The following GRID1 variants were observed in gnomAD, a reference collection of about 807,000 sequenced individuals.
GRID1 encodes glutamate receptor ionotropic, delta-1.
A neutral mutation model predicts 98.0 loss-of-function variants in GRID1; 28 were observed. The ratio of observed to expected loss-of-function variants is 0.29; its 90% CI spans 0.21 to 0.39. GRID1 has a LOEUF of 0.39. Among genes scored for constraint, GRID1 ranks in the 10% least tolerant of loss-of-function variants. The probability of loss-of-function intolerance (pLI) is 1.00; values close to 1 mark genes in which losing one functional copy is unlikely to be tolerated. For missense variants in GRID1, 1,111 were observed against 1,340.5 expected (o/e 0.83, Z 2.67); for synonymous variants, 553 against 538.5 (o/e 1.03, Z -0.37).
At chr10:85,924,025 G>C (rs1409810255) in intron 4 of GRID1, among the ~76,000 whole-genome samples, 1 of 152,156 alleles carries the variant, frequency 6.6e-6, no homozygotes, top group Non-Finnish European at 1.5e-5. Flanking sequence ...AGCTCCTGGA[G>C]GCCAAAGCCT....
At chr10:85,642,199 G>C (rs577505092) in intron 13 of GRID1, among the ~76,000 whole-genome samples, 1 of 152,158 alleles carries the variant, frequency 6.6e-6, no homozygotes, top group Non-Finnish European at 1.5e-5. Flanking sequence ...GCCATAAACA[G>C]CATGTAAATA....
chr10:85,632,027 T>G (rs550590162), intron 13 of GRID1, among the ~76,000 whole-genome samples: 110 of 151,900 alleles, frequency 7.2e-4, no homozygotes, highest in African/African-American at 2.4e-3. Context: ...GAATGTAAGC[T>G]TGACCATGCA....
At chr10:85,851,976 G>A (rs944375877) in intron 8 of GRID1, among the ~76,000 whole-genome samples, 2 of 151,402 alleles carry the variant, frequency 1.3e-5, no homozygotes, top group East Asian at 1.9e-4. Flanking sequence ...TCTCCCACCC[G>A]AAACTACCAC....
chr10:85,865,966 G>T (rs1377972007), intron 6 of GRID1, among the ~76,000 whole-genome samples: 845 of 82,352 alleles, frequency 0.01, 32 homozygotes, highest in African/African-American at 0.026. Context: ...GAGAGAGAGA[G>T]AGAGAGAGAG....
chr10:85,911,730 T>C (rs533209231), intron 5 of GRID1, among the ~76,000 whole-genome samples: 6 of 152,316 alleles, frequency 3.9e-5, no homozygotes, highest in Admixed American at 3.9e-4. Flanking sequence ...ACCTTGGTTC[T>C]TCAAGAGGCT....
intron 4 of GRID1, among the ~76,000 whole-genome samples, chr10:86,107,812 T>C (rs1174369284): frequency 6.6e-6 from 1 of 152,054 alleles, no homozygotes; most frequent in Non-Finnish European, 1.5e-5. Flanking sequence ...CAACGCAGAA[T>C]TTGGCCAGGG....
chr10:86,334,318 T>C (rs1386311832), intron 2 of GRID1, among the ~76,000 whole-genome samples: 2 of 152,284 alleles, frequency 1.3e-5, no homozygotes, highest in East Asian at 3.9e-4. Flanking sequence ...CTAGATGAAG[T>C]GAAGCAGTTC....
At chr10:85,767,843 T>C (rs1842212586) in intron 8 of GRID1, among the ~76,000 whole-genome samples, 1 of 152,208 alleles carries the variant, frequency 6.6e-6, no homozygotes, top group South Asian at 2.1e-4. Context: ...CATGAGATGT[T>C]TGTTGAGAGC....
At chr10:85,668,732 G>T (rs536857256) in intron 12 of GRID1, among the ~76,000 whole-genome samples, 1 of 152,304 alleles carries the variant, frequency 6.6e-6, no homozygotes, top group Admixed American at 6.5e-5. Flanking sequence ...TAGAAAACCT[G>T]CCATTGCTTA....
chr10:86,066,080 G>A (rs913619519), intron 4 of GRID1, among the ~76,000 whole-genome samples: 1 of 152,194 alleles, frequency 6.6e-6, no homozygotes, highest in African/African-American at 2.4e-5. Flanking sequence ...AGAACATTCT[G>A]AAAAGACAGA....
At chr10:86,102,656 G>C (rs1324952173) in intron 4 of GRID1, among the ~76,000 whole-genome samples, 1 of 152,232 alleles carries the variant, frequency 6.6e-6, no homozygotes. Flanking sequence ...GGCCCTACCT[G>C]GGAGCAGTGC....
intron 2 of GRID1, among the ~76,000 whole-genome samples, chr10:86,211,836 C>T (rs1230437871): frequency 1.3e-5 from 2 of 152,218 alleles, no homozygotes; most frequent in African/African-American, 4.8e-5. Flanking sequence ...GAGAAAGTGG[C>T]CAGCAGGGGA....
chr10:85,661,704 T>C (rs528796482), intron 12 of GRID1, among the ~76,000 whole-genome samples: 1 of 152,338 alleles, frequency 6.6e-6, no homozygotes, highest in South Asian at 2.1e-4. Context: ...CAGGTCACTA[T>C]GGGCTTTTCT....
chr10:85,788,758 G>A (rs766139682), intron 8 of GRID1, among the ~76,000 whole-genome samples: 4 of 152,222 alleles, frequency 2.6e-5, no homozygotes, highest in Admixed American at 6.5e-5. Flanking sequence ...GTCTGGAGCT[G>A]ACCTCTAGCA....
chr10:86,122,639 A>G (rs753732795), intron 4 of GRID1, among the ~76,000 whole-genome samples: 38 of 152,242 alleles, frequency 2.5e-4, no homozygotes, highest in Non-Finnish European at 5.0e-4. Context: ...TTGAAAGGAC[A>G]CTGCCCCTCA....
chr10:86,305,108 G>GAAA (rs549747831), intron 2 of GRID1, among the ~76,000 whole-genome samples: 2 of 136,446 alleles, frequency 1.5e-5, no homozygotes, highest in Admixed American at 7.4e-5. Context: ...AGGGCTTAAG[G>GAAA]AAAAAAAAAA....
At chr10:86,005,281 C>A (rs1589333103) in intron 4 of GRID1, among the ~76,000 whole-genome samples, 2 of 152,100 alleles carry the variant, frequency 1.3e-5, no homozygotes, top group African/African-American at 4.8e-5. Context: ...ATACCCCCTC[C>A]CCCAGGGCAT....
intron 8 of GRID1, among the ~76,000 whole-genome samples, chr10:85,802,777 A>G (rs1842588236): frequency 6.6e-6 from 1 of 151,050 alleles, no homozygotes; most frequent in South Asian, 2.1e-4. Flanking sequence ...CGTTGAGAGA[A>G]GAGAGACAGA....
At chr10:85,941,978 G>A (rs7899222) in intron 4 of GRID1, among the ~76,000 whole-genome samples, 34,341 of 152,102 alleles carry the variant, frequency 0.23, 3,949 homozygotes, top group South Asian at 0.35. Flanking sequence ...GAAGTGTGCA[G>A]TGGGGCACTG....
Sources: allele counts gnomAD v4.1 joint callset (sites outside exome capture counted in the v4.1 genomes callset), GRCh38; gene constraint gnomAD v4.1.1; transcripts MANE v1.5; gene names NCBI Gene and HGNC (gene_info 2026-07-23, HGNC 2026-07-21).